The following FZD6 variants were observed in gnomAD, a reference collection of about 807,000 sequenced individuals.
FZD6 encodes the protein frizzled-6.
Under a neutral mutation model 61.4 loss-of-function variants are expected in FZD6, and 49 were observed. The observed-to-expected ratio is 0.80, with a 90% CI of 0.63 to 1.01. The LOEUF is 1.01. Among genes scored for constraint, FZD6 ranks in the 50% least tolerant of loss-of-function variants. The probability of loss-of-function intolerance (pLI) is 0.00; values close to 1 mark genes in which losing one functional copy is unlikely to be tolerated. For missense variants in FZD6, 724 were observed against 848.2 expected (o/e 0.85, Z 1.82); for synonymous variants, 265 against 292.2 (o/e 0.91, Z 0.95).
intron 1 of FZD6, among the ~76,000 whole-genome samples, chr8:103,299,560 T>G (rs1021146430): frequency 1.3e-5 from 2 of 152,186 alleles, no homozygotes; most frequent in East Asian, 3.8e-4. Context: ...TAAGAACTCT[T>G]TGGGTCTTAA....
chr8:103,318,856 G>C, intron 3 of FZD6, 70 bp downstream of exon 3: 1 of 877,744 alleles, frequency 1.1e-6, no homozygotes, highest in South Asian at 1.3e-5. Context: ...TGGGATGTTA[G>C]TGAGAAGCTT....
At chr8:103,322,372 T>TAAA (rs11423905) in intron 3 of FZD6, among the ~76,000 whole-genome samples, 71 of 124,608 alleles carry the variant, frequency 5.7e-4, no homozygotes, top group African/African-American at 1.8e-3. Context: ...CAGTCTCCAT[T>TAAA]AAAAAAAAAA....
chr8:103,305,337 C>A (rs958639193), intron 2 of FZD6, among the ~76,000 whole-genome samples: 2 of 152,174 alleles, frequency 1.3e-5, no homozygotes, highest in Non-Finnish European at 2.9e-5. Flanking sequence ...AAAAAAACAA[C>A]TTTCCTTTCC....
At chr8:103,326,662 TA>T (rs950910050) in intron 4 of FZD6, among the ~76,000 whole-genome samples, 5 of 139,694 alleles carry the variant, frequency 3.6e-5, no homozygotes, top group Admixed American at 1.4e-4. Flanking sequence ...TTTGACTAAG[TA>T]AAAAAAAATT....
intron 2 of FZD6, among the ~76,000 whole-genome samples, chr8:103,303,925 GTT>G (rs5893647): frequency 0.52 from 77,982 of 149,026 alleles, 20,921 homozygotes; most frequent in African/African-American, 0.67. Context: ...ATATGAGTCA[GTT>G]TTTTTTTTTT....
intron 2 of FZD6, chr8:103,307,747 T>G: frequency 2.2e-6 from 1 of 456,092 alleles, no homozygotes. Context: ...CCTTTCCATC[T>G]TAGGGTACCC....
chr8:103,311,229 G>T (rs1295228975), intron 2 of FZD6, among the ~76,000 whole-genome samples: 2 of 152,126 alleles, frequency 1.3e-5, no homozygotes, highest in African/African-American at 4.8e-5. Context: ...TGATCGCATT[G>T]CAGCTTCCTC....
At chr8:103,321,935 C>T (rs1814802274) in intron 3 of FZD6, among the ~76,000 whole-genome samples, 2 of 152,144 alleles carry the variant, frequency 1.3e-5, no homozygotes, top group Admixed American at 6.6e-5. Flanking sequence ...TTTCCTTACA[C>T]TCATTTTCCT....
intron 6 of FZD6, among the ~76,000 whole-genome samples, chr8:103,330,461 T>C (rs1342616352): frequency 6.6e-6 from 1 of 152,204 alleles, no homozygotes. Flanking sequence ...TGAAAAGATA[T>C]TGACATTATC....
At chr8:103,329,096 C>T (rs891122836) in intron 5 of FZD6, among the ~76,000 whole-genome samples, 1 of 145,420 alleles carries the variant, frequency 6.9e-6, no homozygotes, top group South Asian at 2.2e-4. Flanking sequence ...GTTTGCTTAA[C>T]TCATTTCAGA....
chr8:103,301,686 C>T (rs370796472), intron 2 of FZD6, among the ~76,000 whole-genome samples: 4 of 152,148 alleles, frequency 2.6e-5, no homozygotes, highest in African/African-American at 7.2e-5. Context: ...GGATTACAGG[C>T]GCGAGCTACT....
At chr8:103,304,138 G>A (rs1814261799) in intron 2 of FZD6, among the ~76,000 whole-genome samples, 1 of 152,206 alleles carries the variant, frequency 6.6e-6, no homozygotes, top group Non-Finnish European at 1.5e-5. Context: ...GTGTTAGGAT[G>A]AGGGGCTGAA....
At chr8:103,328,461 A>G in intron 5 of FZD6, 45 bp downstream of exon 5, 2 of 1,332,762 alleles carry the variant, frequency 1.5e-6, no homozygotes, top group African/African-American at 1.4e-5. Context: ...AAATAAATAG[A>G]TCAAAATACC....
Position 103,332,562 on chromosome 8 carries a change from T to C in FZD6, c.*1053T>C, listed in dbSNP as rs2687355. 0.95 allele frequency: 144,303 copies of C among 152,572 alleles called. 68,314 individuals carry two copies. Among genetic ancestry groups the C allele is most frequent in the East Asian group, 1 (5,161 of 5,184 alleles). The allele number at this position is 152,572 out of a possible 1,614,324, so 9.5% of individuals were successfully genotyped here. ...GCCAATCAAATGGAAAAAAGGTAGT[T>C]TTAATAAACAAGACACAACGTTTTT... On this transcript the variant is annotated 3_prime_UTR_variant, in exon 7 of 7. Transcript: ENST00000358755.
intron 2 of FZD6, among the ~76,000 whole-genome samples, chr8:103,307,390 G>A (rs1387318368): frequency 1.3e-5 from 2 of 152,068 alleles, no homozygotes; most frequent in African/African-American, 4.8e-5. Context: ...ATATTTGAAT[G>A]CCTAAATAAA....
intron 2 of FZD6, among the ~76,000 whole-genome samples, chr8:103,306,851 A>G (rs570814169): frequency 3.3e-5 from 5 of 152,090 alleles, no homozygotes; most frequent in Admixed American, 6.5e-5. Context: ...TCCTTCACTC[A>G]GTTTTAATCA....
intron 4 of FZD6, 73 bp downstream of exon 4, chr8:103,325,571 C>A: frequency 2.4e-6 from 3 of 1,249,902 alleles, no homozygotes; most frequent in South Asian, 1.2e-5. Context: ...ATATACTTGT[C>A]ATGGATGTAA....
chr8:103,307,477 T>C, intron 2 of FZD6, among the ~76,000 whole-genome samples: 1 of 152,236 alleles, frequency 6.6e-6, no homozygotes, highest in South Asian at 2.1e-4. Context: ...ACAGAATTTA[T>C]ATTCTAGTGG....
chr8:103,310,918 C>T (rs1336385132), intron 2 of FZD6, among the ~76,000 whole-genome samples: 2 of 152,202 alleles, frequency 1.3e-5, no homozygotes, highest in Admixed American at 6.5e-5. Flanking sequence ...TCTAGAGTTC[C>T]TCCTGTTTTG....
Sources: gnomAD v4.1 joint callset for allele counts (sites outside exome capture counted in the v4.1 genomes callset) on GRCh38, gnomAD v4.1.1 for gene constraint, MANE v1.5 for transcripts, NCBI Gene and HGNC (gene_info 2026-07-23, HGNC 2026-07-21) for gene names.